The following LOC128092253 variants were observed in gnomAD, a reference collection of about 807,000 sequenced individuals.
chr6:133,979,503 C>T, the LOC128092253 span, among the ~76,000 whole-genome samples: 82,803 of 151,976 alleles, frequency 0.54, 23,442 homozygotes, highest in African/African-American at 0.65. Context: ...AGGTGAATAG[C>T]AGGAGATAAG....
At chr6:133,979,390 A>T in the LOC128092253 span, among the ~76,000 whole-genome samples, 1 of 152,306 alleles carries the variant, frequency 6.6e-6, no homozygotes, top group African/African-American at 2.4e-5. Context: ...GAAGGGTTAT[A>T]TGCCACTAAT....
At chr6:133,972,707 T>TG in the LOC128092253 span, among the ~76,000 whole-genome samples, 1 of 149,396 alleles carries the variant, frequency 6.7e-6, no homozygotes, top group South Asian at 2.1e-4. Flanking sequence ...TTTGTTTGTT[T>TG]TTTTCCCCTC....
the LOC128092253 span, among the ~76,000 whole-genome samples, chr6:133,979,876 A>G: frequency 6.6e-6 from 1 of 152,194 alleles, no homozygotes; most frequent in East Asian, 1.9e-4. Flanking sequence ...TGAACTCCTG[A>G]CCTCAGATGA....
chr6:133,968,987 A>G, the LOC128092253 span: 2 of 152,136 alleles, frequency 1.3e-5, no homozygotes, highest in African/African-American at 4.8e-5. Flanking sequence ...TACTTTATAG[A>G]TATATTTTAG....
chr6:133,967,173 C>T, the LOC128092253 span, among the ~76,000 whole-genome samples: 1 of 152,170 alleles, frequency 6.6e-6, no homozygotes, highest in Non-Finnish European at 1.5e-5. Flanking sequence ...CGAGTCTGTT[C>T]ACTACCAGGT....
At chr6:133,963,748 C>T in the LOC128092253 span, among the ~76,000 whole-genome samples, 2 of 151,084 alleles carry the variant, frequency 1.3e-5, no homozygotes, top group South Asian at 2.1e-4. Flanking sequence ...CGTTAAGAAC[C>T]GGCCTGGCGC....
chr6:133,975,549 C>G, the LOC128092253 span, among the ~76,000 whole-genome samples: 1 of 152,254 alleles, frequency 6.6e-6, no homozygotes, highest in East Asian at 1.9e-4. Context: ...CTTAAATTGT[C>G]TAATGAGTCT....
the LOC128092253 span, among the ~76,000 whole-genome samples, chr6:133,964,605 A>C: frequency 6.6e-6 from 1 of 150,754 alleles, no homozygotes; most frequent in Non-Finnish European, 1.5e-5. Flanking sequence ...GCCTGCCACC[A>C]CTCCAGGCTA....
the LOC128092253 span, among the ~76,000 whole-genome samples, chr6:133,977,559 T>C: frequency 1.3e-5 from 2 of 152,216 alleles, no homozygotes; most frequent in African/African-American, 4.8e-5. Context: ...CTGTTTGATA[T>C]AAAAACAAGT....
the LOC128092253 span, among the ~76,000 whole-genome samples, chr6:133,964,873 A>G: frequency 2.0e-5 from 3 of 152,216 alleles, no homozygotes; most frequent in African/African-American, 7.2e-5. Context: ...TATGAGGGGT[A>G]ACTCTATAAA....
the LOC128092253 span, among the ~76,000 whole-genome samples, chr6:133,966,600 A>C: frequency 6.6e-6 from 1 of 152,184 alleles, no homozygotes; most frequent in Non-Finnish European, 1.5e-5. Flanking sequence ...TCAGTTCAAA[A>C]TGTCCAAAAC....
chr6:133,957,148 A>G, the LOC128092253 span, among the ~76,000 whole-genome samples: 2 of 152,180 alleles, frequency 1.3e-5, no homozygotes, highest in Non-Finnish European at 2.9e-5. Flanking sequence ...GAAGCATGCT[A>G]TGGATCCCAT....
the LOC128092253 span, among the ~76,000 whole-genome samples, chr6:133,965,824 G>A: frequency 6.6e-6 from 1 of 152,126 alleles, no homozygotes; most frequent in South Asian, 2.1e-4. Flanking sequence ...GAAGAAAGGA[G>A]ATATAATAAT....
At chr6:133,970,760 C>T in the LOC128092253 span, among the ~76,000 whole-genome samples, 1 of 152,036 alleles carries the variant, frequency 6.6e-6, no homozygotes, top group Non-Finnish European at 1.5e-5. Flanking sequence ...ACCACCATAC[C>T]TGGCTAATTT....
the LOC128092253 span, among the ~76,000 whole-genome samples, chr6:133,953,654 T>C: frequency 6.6e-6 from 1 of 152,080 alleles, no homozygotes; most frequent in East Asian, 1.9e-4. Context: ...TTTGGGGATC[T>C]CTTTAGGGAT....
At chr6:133,970,775 A>AT in the LOC128092253 span, among the ~76,000 whole-genome samples, 2 of 151,968 alleles carry the variant, frequency 1.3e-5, no homozygotes, top group African/African-American at 4.8e-5. Flanking sequence ...TAATTTTAAA[A>AT]TTTGTTGTAG....
chr6:133,972,088 A>T, the LOC128092253 span, among the ~76,000 whole-genome samples: 1 of 152,246 alleles, frequency 6.6e-6, no homozygotes, highest in African/African-American at 2.4e-5. Flanking sequence ...GATTCCAGAC[A>T]TCAAGAGTCA....
the LOC128092253 span, among the ~76,000 whole-genome samples, chr6:133,953,624 C>T: frequency 6.6e-6 from 1 of 151,940 alleles, no homozygotes; most frequent in African/African-American, 2.4e-5. Context: ...GGGCTCAGTT[C>T]TGAAGAGGAC....
At chr6:133,962,660 A>T in the LOC128092253 span, among the ~76,000 whole-genome samples, 3 of 152,216 alleles carry the variant, frequency 2.0e-5, no homozygotes, top group African/African-American at 4.8e-5. Context: ...TAGATGTAGG[A>T]GCCAGCCATA....
Sources: allele counts gnomAD v4.1 joint callset (sites outside exome capture counted in the v4.1 genomes callset), GRCh38; gene constraint gnomAD v4.1.1; transcripts MANE v1.5.